Variants in ASMTL observed in about 807,000 individuals in gnomAD.
ASMTL encodes the protein acetylserotonin O-methyltransferase like, also known as probable bifunctional dTTP/UTP pyrophosphatase/methyltransferase protein.
Under a neutral mutation model 60.3 loss-of-function variants are expected in ASMTL, and 57 were observed. That is an observed-to-expected ratio of 0.95 (90% confidence interval 0.76 to 1.18). ASMTL has a LOEUF of 1.18. Ranked by LOEUF, ASMTL falls within the 50% of genes most tolerant of loss-of-function variation. The probability of loss-of-function intolerance (pLI) is 0.00; values close to 1 mark genes in which losing one functional copy is unlikely to be tolerated. For synonymous variants in ASMTL, 419 were observed against 373.0 expected (o/e 1.12, Z -1.42); for missense variants, 981 against 852.6 (o/e 1.15, Z -1.88).
At chrX:1,421,990 A>T in intron 8 of ASMTL, 148 bp from the exon 9 acceptor site, 3 of 734,042 alleles carry the variant, frequency 4.1e-6, no homozygotes, top group Non-Finnish European at 7.2e-6. Flanking sequence ...ACCATAGGGG[A>T]TGCATCATTG....
chrX:1,417,883 A>T, intron 11 of ASMTL, 90 bp downstream of exon 11: 1 of 1,493,452 alleles, frequency 6.7e-7, no homozygotes, highest in Non-Finnish European at 9.0e-7. Context: ...CCAGGCAGAA[A>T]CACAGGTGCA....
chrX:1,419,212 A>G, intron 9 of ASMTL, 98 bp from the exon 10 acceptor site: 10 of 1,419,914 alleles, frequency 7.0e-6, no homozygotes, highest in Middle Eastern at 2.5e-4. Context: ...AGGGCTCCAG[A>G]GCGTGGGGGC....
chrX:1,432,765 G>C (rs1233252748), intron 5 of ASMTL, among the ~76,000 whole-genome samples: 11 of 152,210 alleles, frequency 7.2e-5, no homozygotes, highest in South Asian at 2.1e-4. Context: ...GGAGGTGCAG[G>C]TTGCAGTGAG....
upstream of ASMTL, among the ~76,000 whole-genome samples, chrX:1,453,093 AC>A (rs747447128): frequency 5.3e-4 from 66 of 125,350 alleles, no homozygotes; most frequent in East Asian, 0.013. Flanking sequence ...CCACCAGGCC[AC>A]GCCCATGTCA....
chrX:1,450,732 T>C (rs1236642910), intron 1 of ASMTL, among the ~76,000 whole-genome samples: 1 of 128,842 alleles, frequency 7.8e-6, no homozygotes, highest in Non-Finnish European at 1.6e-5. Flanking sequence ...GGGTTCTGGG[T>C]TACTCTCCCC....
chrX:1,410,533 C>T (rs1239696464), intron 12 of ASMTL, among the ~76,000 whole-genome samples: 1 of 152,018 alleles, frequency 6.6e-6, no homozygotes, highest in Non-Finnish European at 1.5e-5. Flanking sequence ...CCTCTCTCAG[C>T]CTCCTGAGTA....
At chrX:1,420,131 G>A (rs1273470102) in intron 9 of ASMTL, among the ~76,000 whole-genome samples, 1 of 149,270 alleles carries the variant, frequency 6.7e-6, no homozygotes, top group African/African-American at 2.5e-5. Context: ...CCCTCTATGT[G>A]TCTGTCTGTC....
chrX:1,414,279 C>T (rs1263000872), intron 11 of ASMTL, among the ~76,000 whole-genome samples: 2 of 152,104 alleles, frequency 1.3e-5, no homozygotes, highest in African/African-American at 2.4e-5. Context: ...GACCTCCGGT[C>T]TGCAGGACAG....
chrX:1,446,847 G>A (rs1470719591), intron 1 of ASMTL, among the ~76,000 whole-genome samples: 41 of 152,114 alleles, frequency 2.7e-4, no homozygotes, highest in Non-Finnish European at 4.9e-4. Context: ...AAGAAAAATC[G>A]TGTTTGAAAA....
At chrX:1,427,547 G>A (rs1303368147) in intron 7 of ASMTL, among the ~76,000 whole-genome samples, 187 bp downstream of exon 7, 1 of 152,078 alleles carries the variant, frequency 6.6e-6, no homozygotes, top group Non-Finnish European at 1.5e-5. Context: ...AGGGATGCCT[G>A]GAGCTGTCAG....
At chrX:1,417,884 C>T in intron 11 of ASMTL, 89 bp downstream of exon 11, 1 of 1,494,206 alleles carries the variant, frequency 6.7e-7, no homozygotes, top group Non-Finnish European at 9.0e-7. Flanking sequence ...CAGGCAGAAA[C>T]ACAGGTGCAC....
At chrX:1,432,495 T>C (rs1426518432) in intron 5 of ASMTL, 118 bp from the exon 6 acceptor site, 9 of 744,006 alleles carry the variant, frequency 1.2e-5, no homozygotes, top group Admixed American at 4.3e-5. Flanking sequence ...AGTTCAGATA[T>C]GGATGCTTCA....
chrX:1,416,359 A>ACG (rs1302240343), intron 11 of ASMTL, among the ~76,000 whole-genome samples: 9,277 of 113,230 alleles, frequency 0.082, 2,762 homozygotes, highest in Non-Finnish European at 0.11. Context: ...TGACAGGCAC[A>ACG]CACAGACGCA....
At chrX:1,418,156 T>A in intron 10 of ASMTL, 40 bp from the exon 11 acceptor site, 1 of 1,553,504 alleles carries the variant, frequency 6.4e-7, no homozygotes, top group African/African-American at 1.4e-5. Context: ...CTGGGTCGTC[T>A]ATGGAACTCT....
rs1421701226 is a variant in ASMTL, at chrX:1,403,234, G to A, written c.*35C>T. ...CGGGCGGTCCACCTGCAGCCTGGGG[G>A]AGGACATCCCTATAATGAACATGCT... On this transcript the variant is annotated 3_prime_UTR_variant, in exon 13 of 13. Transcript: ENST00000381317. 1.3e-6 allele frequency: 2 copies of A among 1,586,598 alleles called. No individual in the cohort carries two copies. Among genetic ancestry groups the A allele is most frequent in the East Asian group, 2.2e-5 (1 of 44,736 alleles).
At chrX:1,418,898 C>G in intron 10 of ASMTL, 84 bp downstream of exon 10, 1 of 1,546,768 alleles carries the variant, frequency 6.5e-7, no homozygotes, top group East Asian at 2.3e-5. Context: ...TGGAAAAAGG[C>G]AGTTGGTAGG....
chrX:1,413,773 GAGAC>G (rs2090127075), intron 11 of ASMTL: 1 of 152,438 alleles, frequency 6.6e-6, no homozygotes, highest in Non-Finnish European at 1.5e-5. Context: ...GACAGAAGAG[GAGAC>G]AGACACAGAG....
At position 1,432,294 on chromosome X, in the gene ASMTL, C is replaced by A; in HGVS notation, c.484G>T (p.Glu162Ter). Residue 162 changes from glutamate to a stop codon, truncating the protein, a stop_gained, in exon 6 of 13, where the codon GAA (glutamate) becomes TAA (stop). Coordinates refer to ENST00000381317, the MANE Select transcript of ASMTL (RefSeq NM_004192.4). LOFTEE classifies it high-confidence loss of function. ...FSELSEELLW[E>*]YVHSGEPMDK... ...ATGGGCTCCCCGCTGTGGACGTATTCCCAGAGCAGCTCCTCGGACAGCTCC... is the reference window on the plus strand; with the variant it reads ...ATGGGCTCCCCGCTGTGGACGTATTACCAGAGCAGCTCCTCGGACAGCTCC... The A allele has an allele frequency of 6.2e-7, 1 of 1,604,648 alleles. No individual in the cohort carries two copies. The highest frequency in any genetic ancestry group is 8.5e-7 in the Non-Finnish European group (1 of 1,173,866).
At chrX:1,413,018 A>G in intron 11 of ASMTL, 164 bp from the exon 12 acceptor site, 1 of 745,096 alleles carries the variant, frequency 1.3e-6, no homozygotes, top group Non-Finnish European at 2.3e-6. Context: ...GGACTTGAAC[A>G]GAGCTCCATG....
Sources: allele counts gnomAD v4.1 joint callset (sites outside exome capture counted in the v4.1 genomes callset), GRCh38; gene constraint gnomAD v4.1.1; transcripts MANE v1.5; gene names NCBI Gene and HGNC (gene_info 2026-07-23, HGNC 2026-07-21).